Variants in PDE4D observed in about 807,000 individuals in gnomAD.
PDE4D encodes the protein phosphodiesterase 4D.
In PDE4D, 24 loss-of-function variants were observed where a neutral mutation model predicts 87.4. That is an observed-to-expected ratio of 0.27 (90% confidence interval 0.20 to 0.39). The LOEUF is 0.39. Among genes scored for constraint, PDE4D ranks in the 10% least tolerant of loss-of-function variants. PDE4D has a pLI of 1.00. For synonymous variants in PDE4D, 384 were observed against 383.2 expected (o/e 1.00, Z -0.02); for missense variants, 714 against 1,041.0 (o/e 0.69, Z 4.32).
intron 6 of PDE4D, among the ~76,000 whole-genome samples, chr5:59,011,817 C>G (rs995758907): frequency 1.1e-4 from 17 of 152,146 alleles, no homozygotes; most frequent in African/African-American, 3.9e-4. Flanking sequence ...CACGAAGATA[C>G]TCCTCAAGAA....
chr5:59,643,689 G>C (rs529832237), intron 1 of PDE4D, among the ~76,000 whole-genome samples: 1 of 152,152 alleles, frequency 6.6e-6, no homozygotes, highest in African/African-American at 2.4e-5. Flanking sequence ...AATTAGCATC[G>C]ATTTACATTT....
In PDE4D at chr5:59,421,309, T is replaced by C. The variant is rs116328242; in HGVS notation, c.456-205341A>G. 1.8e-3 allele frequency among the ~76,000 whole-genome samples: 273 copies of C among 152,280 alleles called. 2 individuals carry two copies. Among genetic ancestry groups the C allele is most frequent in the African/African-American group, 6.2e-3 (259 of 41,564 alleles). Reference sequence around the variant, plus strand: ...CACAGTACGTTTTAGTGTAATTTACTAGTACTGCAGAAATGTGAATATTGC... The same window carrying C: ...CACAGTACGTTTTAGTGTAATTTACCAGTACTGCAGAAATGTGAATATTGC... On this transcript the variant is annotated intron_variant, in intron 1 of 14. Transcript: ENST00000340635.
Position 60,261,200 on chromosome 5 carries a change from T to C in PDE4D, c.-89-75513A>G, listed in dbSNP as rs539717157. 5.9e-5 allele frequency among the ~76,000 whole-genome samples: 9 copies of C among 152,292 alleles called. No individual in the cohort carries two copies. The South Asian group carries it at 1.7e-3, about 28-fold the overall frequency. ...ATGGTTTAGATTACATGTGCATTGTTCCATACCATTTCTTGATCAAATTAG... is the reference window on the plus strand; with the variant it reads ...ATGGTTTAGATTACATGTGCATTGTCCCATACCATTTCTTGATCAAATTAG... On this transcript the variant is annotated intron_variant, in intron 1 of 16. Transcript: ENST00000502484.
At chr5:59,494,752 T>C (rs1218889403) in intron 1 of PDE4D, among the ~76,000 whole-genome samples, 1 of 152,186 alleles carries the variant, frequency 6.6e-6, no homozygotes, top group Admixed American at 6.5e-5. Context: ...GGCACTTGCA[T>C]TAAGACTTTG....
chr5:59,541,246 T>C (rs138649907), intron 1 of PDE4D, among the ~76,000 whole-genome samples: 12 of 152,342 alleles, frequency 7.9e-5, no homozygotes, highest in African/African-American at 2.9e-4. Flanking sequence ...CCTGACTGGC[T>C]GTCTCTGTAA....
At chr5:60,453,841 A>T (rs1174683560) in intron 1 of PDE4D, among the ~76,000 whole-genome samples, 1 of 152,142 alleles carries the variant, frequency 6.6e-6, no homozygotes, top group Non-Finnish European at 1.5e-5. Context: ...GATCTTTTGA[A>T]GAAACAATGT....
At chr5:59,907,239 G>A (rs898276865) in intron 3 of PDE4D, among the ~76,000 whole-genome samples, 1 of 151,918 alleles carries the variant, frequency 6.6e-6, no homozygotes, top group Non-Finnish European at 1.5e-5. Context: ...TCTCATTGTG[G>A]TTTTGATTTG....
intron 1 of PDE4D, among the ~76,000 whole-genome samples, chr5:59,800,828 C>T (rs1213455796): frequency 6.6e-6 from 1 of 152,160 alleles, no homozygotes; most frequent in African/African-American, 2.4e-5. Context: ...TAAATTGTTG[C>T]TCTTCCAGTC....
intron 5 of PDE4D, among the ~76,000 whole-genome samples, chr5:59,153,996 C>A (rs962440917): frequency 3.3e-5 from 5 of 152,056 alleles, no homozygotes; most frequent in Admixed American, 1.3e-4. Flanking sequence ...AGTTGTGAAA[C>A]ATGGTGCACG....
chr5:60,460,862 C>G (rs1037468744), intron 1 of PDE4D: 1 of 408,770 alleles, frequency 2.4e-6, no homozygotes, highest in Non-Finnish European at 4.4e-6. Context: ...TTTGAAGGAT[C>G]CCTTTACACT....
chr5:59,353,086 C>G (rs1388544978), intron 1 of PDE4D, among the ~76,000 whole-genome samples: 1 of 152,140 alleles, frequency 6.6e-6, no homozygotes, highest in Non-Finnish European at 1.5e-5. Flanking sequence ...CCTTGAGTGA[C>G]TTTCTCTTCT....
chr5:59,235,866 T>G (rs537783279), intron 1 of PDE4D, among the ~76,000 whole-genome samples: 1 of 152,194 alleles, frequency 6.6e-6, no homozygotes, highest in East Asian at 1.9e-4. Context: ...TAAATGTTTG[T>G]TAATACTTAG....
At chr5:59,519,764 T>A (rs1204513478) in intron 1 of PDE4D, among the ~76,000 whole-genome samples, 1 of 152,206 alleles carries the variant, frequency 6.6e-6, no homozygotes, top group Non-Finnish European at 1.5e-5. Flanking sequence ...TTAGACTGGA[T>A]GGGCAAAAGC....
chr5:60,008,004 C>G (rs879311382), intron 2 of PDE4D, among the ~76,000 whole-genome samples: 15 of 151,726 alleles, frequency 9.9e-5, no homozygotes, highest in Non-Finnish European at 1.8e-4. Context: ...AAACTCTTCT[C>G]GGTACTGATG....
chr5:60,254,998 C>A (rs572118513), intron 1 of PDE4D, among the ~76,000 whole-genome samples: 2 of 151,954 alleles, frequency 1.3e-5, no homozygotes, highest in South Asian at 2.1e-4. Context: ...AGCATCATGG[C>A]TTAAATACTT....
At chr5:60,006,522 C>T (rs1469160519) in intron 2 of PDE4D, among the ~76,000 whole-genome samples, 3 of 151,946 alleles carry the variant, frequency 2.0e-5, no homozygotes, top group East Asian at 1.9e-4. Context: ...TAGGGTTAAG[C>T]AATATGTCCC....
In PDE4D at chr5:59,214,032, TCAC is replaced by T. The variant is rs1183823766; in HGVS notation, c.647+1742_647+1744del. Among the ~76,000 whole-genome samples the T allele has an allele frequency of 2.3e-5, 3 of 132,668 alleles. No homozygotes were observed. In the Admixed American group the frequency reaches 2.3e-4, roughly 10 times the overall value. 87.0% of individuals were successfully genotyped at this position (132,668 alleles called of 152,430 possible). On this transcript the variant is annotated intron_variant, in intron 2 of 14. Transcript: ENST00000340635. ...CTGTCCCCCAACATACATACATACT[TCAC>T]ACACACACACACACACACACACACA...
intron 3 of PDE4D, among the ~76,000 whole-genome samples, chr5:59,931,631 C>A (rs1438932937): frequency 2.0e-5 from 3 of 152,050 alleles, no homozygotes; most frequent in Non-Finnish European, 4.4e-5. Context: ...GAGAGCAGAA[C>A]CCTCATGACC....
chr5:59,858,648 T>A (rs921718866), intron 1 of PDE4D, among the ~76,000 whole-genome samples: 1 of 152,146 alleles, frequency 6.6e-6, no homozygotes, highest in African/African-American at 2.4e-5. Context: ...GACACTCACA[T>A]AACTATCCAT....
Sources: gnomAD v4.1 joint callset for allele counts (sites outside exome capture counted in the v4.1 genomes callset) on GRCh38, gnomAD v4.1.1 for gene constraint, MANE v1.5 for transcripts, NCBI Gene and HGNC (gene_info 2026-07-23, HGNC 2026-07-21) for gene names.